Variants in PTPRG observed in about 807,000 individuals in gnomAD.
PTPRG encodes protein tyrosine phosphatase receptor type G, also known as receptor-type tyrosine-protein phosphatase gamma.
Under a neutral mutation model 165.3 loss-of-function variants are expected in PTPRG, and 102 were observed. The ratio of observed to expected loss-of-function variants is 0.62; its 90% confidence interval spans 0.53 to 0.73. The LOEUF (loss-of-function observed/expected upper bound fraction) is 0.73, where lower values mean the gene tolerates loss of function less well. PTPRG is among the 30% of genes least tolerant of loss of function. The pLI is 0.00. For missense variants in PTPRG, 1,866 were observed against 1,861.4 expected (o/e 1.00, Z -0.05); for synonymous variants, 675 against 669.5 (o/e 1.01, Z -0.13).
chr3:62,057,610 G>A (rs1700674975), intron 4 of PTPRG, among the ~76,000 whole-genome samples: 1 of 152,208 alleles, frequency 6.6e-6, no homozygotes, highest in Non-Finnish European at 1.5e-5. Context: ...AAGAATGCCA[G>A]CTAACAAAAA....
intron 2 of PTPRG, among the ~76,000 whole-genome samples, chr3:61,950,197 G>A (rs2039866492): frequency 1.3e-5 from 2 of 152,164 alleles, no homozygotes; most frequent in South Asian, 4.1e-4. Flanking sequence ...TTCCAGGCCT[G>A]TGCTGAATTC....
rs1346381038 is a variant in PTPRG, at chr3:62,044,934, A to G, written c.520-33229A>G. Among the ~76,000 whole-genome samples, 4 of 152,174 alleles carry G rather than the reference A, an allele frequency of 2.6e-5. No individual in the cohort carries two copies. In the East Asian group the frequency reaches 7.7e-4, roughly 29 times the overall value. The stretch of plus-strand genomic sequence containing the variant: ...TTCCTTACCCATCCTTTTAATCAAG[A>G]CTGAGCATAGTAATTATTTTAAATT... On this transcript the variant is annotated intron_variant, in intron 4 of 29. Transcript: ENST00000474889.
intron 1 of PTPRG, among the ~76,000 whole-genome samples, chr3:61,638,549 C>T (rs1575555929): frequency 6.9e-6 from 1 of 145,152 alleles, no homozygotes; most frequent in South Asian, 2.2e-4. Flanking sequence ...AAAATCTTCC[C>T]AAGTAGCTGG....
chr3:61,793,945 TG>T (rs1460054860), intron 2 of PTPRG, among the ~76,000 whole-genome samples: 2 of 152,232 alleles, frequency 1.3e-5, no homozygotes, highest in Non-Finnish European at 2.9e-5. Flanking sequence ...TTCCATGGCA[TG>T]TTGAAGTTGT....
chr3:62,139,460 C>G (rs544977514), intron 6 of PTPRG, among the ~76,000 whole-genome samples: 3 of 151,882 alleles, frequency 2.0e-5, no homozygotes, highest in Non-Finnish European at 2.9e-5. Flanking sequence ...CTCTGTCCCC[C>G]CTTCCCCCAG....
chr3:62,177,394 C>T (rs1705466680), intron 8 of PTPRG, among the ~76,000 whole-genome samples: 1 of 152,210 alleles, frequency 6.6e-6, no homozygotes, highest in African/African-American at 2.4e-5. Context: ...GGAAATTACT[C>T]TGCAAATAAT....
chr3:61,941,695 A>C (rs1022263439), intron 2 of PTPRG, among the ~76,000 whole-genome samples: 1 of 152,190 alleles, frequency 6.6e-6, no homozygotes, highest in South Asian at 2.1e-4. Context: ...CTAACCATTG[A>C]AATTTGATCA....
chr3:62,278,698 G>A (rs1576215191), intron 26 of PTPRG, among the ~76,000 whole-genome samples: 1 of 152,142 alleles, frequency 6.6e-6, no homozygotes, highest in Non-Finnish European at 1.5e-5. Context: ...GTCGCATTTT[G>A]CTCCAGCTTC....
chr3:62,106,861 G>C (rs1475544204), intron 5 of PTPRG, among the ~76,000 whole-genome samples: 2 of 152,150 alleles, frequency 1.3e-5, no homozygotes, highest in Non-Finnish European at 2.9e-5. Flanking sequence ...TTGGGTGTAT[G>C]ACTTATATCC....
At chr3:61,921,732 C>T (rs1157509883) in intron 2 of PTPRG, among the ~76,000 whole-genome samples, 2 of 152,024 alleles carry the variant, frequency 1.3e-5, no homozygotes, top group African/African-American at 4.8e-5. Context: ...TGAAAATATT[C>T]CAAAATTTGA....
intron 6 of PTPRG, 148 bp from the exon 7 acceptor site, chr3:62,156,919 C>T: frequency 1.4e-6 from 1 of 721,994 alleles, no homozygotes; most frequent in Non-Finnish European, 2.4e-6. Context: ...TGAGGCTCTC[C>T]CACCACCAAA....
At chr3:61,994,031 T>C (rs370852745) in intron 3 of PTPRG, among the ~76,000 whole-genome samples, 3 of 152,202 alleles carry the variant, frequency 2.0e-5, no homozygotes, top group Non-Finnish European at 2.9e-5. Flanking sequence ...GTCTAAAATA[T>C]CTTCACAAGA....
intron 28 of PTPRG, among the ~76,000 whole-genome samples, chr3:62,290,358 A>G (rs1349879993): frequency 3.3e-5 from 5 of 152,168 alleles, no homozygotes; most frequent in Non-Finnish European, 1.5e-5. Context: ...TTCCTTAACA[A>G]TCTGGTTTCA....
At chr3:62,159,135 G>C (rs1274857686) in intron 7 of PTPRG, among the ~76,000 whole-genome samples, 1 of 151,830 alleles carries the variant, frequency 6.6e-6, no homozygotes, top group East Asian at 1.9e-4. Context: ...GACCAGCCTG[G>C]GCAACATGGC....
intron 2 of PTPRG, among the ~76,000 whole-genome samples, chr3:61,822,743 G>T (rs968650506): frequency 6.6e-6 from 1 of 152,122 alleles, no homozygotes; most frequent in East Asian, 1.9e-4. Context: ...TATTTTTGGT[G>T]CAAAAATAGT....
intron 4 of PTPRG, among the ~76,000 whole-genome samples, chr3:62,032,764 T>G (rs1224006663): frequency 6.6e-6 from 1 of 152,206 alleles, no homozygotes; most frequent in East Asian, 1.9e-4. Context: ...ATATATTTTT[T>G]ATGGCTGGAA....
chr3:61,763,883 T>A (rs2033935064), intron 2 of PTPRG, among the ~76,000 whole-genome samples: 1 of 152,224 alleles, frequency 6.6e-6, no homozygotes, highest in South Asian at 2.1e-4. Context: ...TTTGGCTATT[T>A]AAATTTAAAT....
At chr3:62,187,757 G>A (rs1699699418) in intron 8 of PTPRG, among the ~76,000 whole-genome samples, 2 of 152,118 alleles carry the variant, frequency 1.3e-5, no homozygotes, top group African/African-American at 4.8e-5. Context: ...ACCCAGGATG[G>A]GGGGTAGAGA....
At chr3:62,121,382 G>C (rs1445762109) in intron 5 of PTPRG, among the ~76,000 whole-genome samples, 1 of 152,092 alleles carries the variant, frequency 6.6e-6, no homozygotes, top group Non-Finnish European at 1.5e-5. Context: ...GTTTTTCAGG[G>C]GGGTGATCTC....
Sources: allele counts gnomAD v4.1 joint callset (sites outside exome capture counted in the v4.1 genomes callset), GRCh38; gene constraint gnomAD v4.1.1; transcripts MANE v1.5; gene names NCBI Gene and HGNC (gene_info 2026-07-23, HGNC 2026-07-21).